PRKG1: variants seen among roughly 807,000 people sequenced by gnomAD.
PRKG1 encodes cGMP-dependent protein kinase 1.
PRKG1 carries 35 observed loss-of-function variants against 88.1 expected under a neutral mutation model. The observed-to-expected ratio is 0.40, with a 90% CI of 0.30 to 0.53. PRKG1 has a LOEUF of 0.53. Ranked by LOEUF, PRKG1 falls within the 20% of genes least tolerant of loss-of-function variation. The pLI is 0.59. For missense variants in PRKG1, 540 were observed against 839.8 expected (o/e 0.64, Z 4.41); for synonymous variants, 303 against 292.5 (o/e 1.04, Z -0.37).
intron 3 of PRKG1, among the ~76,000 whole-genome samples, chr10:51,565,068 A>T (rs1837564334): frequency 6.6e-6 from 1 of 152,146 alleles, no homozygotes; most frequent in Non-Finnish European, 1.5e-5. Context: ...AAAAGCTCAG[A>T]GAGTGAATAG....
At chr10:51,740,580 A>T (rs1159796994) in intron 3 of PRKG1, among the ~76,000 whole-genome samples, 3 of 152,154 alleles carry the variant, frequency 2.0e-5, no homozygotes, top group Non-Finnish European at 4.4e-5. Context: ...TTCTGTTGTG[A>T]TATCGTGTAG....
chr10:51,808,339 G>C (rs1330850469), intron 4 of PRKG1, among the ~76,000 whole-genome samples: 1 of 152,050 alleles, frequency 6.6e-6, no homozygotes, highest in Admixed American at 6.6e-5. Context: ...GCTCAGGCCT[G>C]TAATCTCAGC....
chr10:52,186,486 C>T (rs767429904), intron 9 of PRKG1, among the ~76,000 whole-genome samples: 1 of 152,084 alleles, frequency 6.6e-6, no homozygotes, highest in African/African-American at 2.4e-5. Context: ...GATCCAATCA[C>T]CTCCCACCAG....
At chr10:51,823,896 C>A (rs117426503) in intron 4 of PRKG1, among the ~76,000 whole-genome samples, 6,852 of 95,034 alleles carry the variant, frequency 0.072, 274 homozygotes, top group Middle Eastern at 0.18. Flanking sequence ...TTTTTTAAGA[C>A]AAGATCTTGC....
rs142512630 is a variant in PRKG1 at position 51,201,281 on chromosome 10, A to G, written c.478+47951A>G. Among the ~76,000 whole-genome samples, 1,424 of 152,022 alleles carry G rather than the reference A, an allele frequency of 9.4e-3. 15 individuals carry two copies. The highest frequency in any genetic ancestry group is 0.013 in the Non-Finnish European group (881 of 67,958). The stretch of plus-strand genomic sequence containing the variant: ...TTCTAGACCAGCCTGGCCAAACTCC[A>G]TCTCAACTACAAATACATAAGTTAG... On this transcript the variant is annotated intron_variant, in intron 2 of 17. Coordinates refer to ENST00000373980, the MANE Select transcript of PRKG1 (RefSeq NM_006258.4).
In PRKG1 at chr10:51,031,250, G is replaced by A. The variant is rs577521959; in HGVS notation, c.266+39606G>A. On this transcript the variant is annotated intron_variant, in intron 1 of 17. Transcript: ENST00000401604. ...AAGGTTATTAACATTAATCTCCTAG[G>A]CCCTTCATATATAGAGGCATATTTA... Among the ~76,000 whole-genome samples, 12 of 152,186 alleles carry A rather than the reference G, an allele frequency of 7.9e-5. No individual in the cohort carries two copies. The East Asian group carries it at 2.3e-3, about 29-fold the overall frequency.
intron 1 of PRKG1, among the ~76,000 whole-genome samples, chr10:51,122,941 A>C (rs576499866): frequency 6.6e-6 from 1 of 152,278 alleles, no homozygotes; most frequent in African/African-American, 2.4e-5. Flanking sequence ...TTTTATTGAG[A>C]TATCTAATCA....
chr10:51,810,143 G>A (rs556731139), intron 4 of PRKG1, among the ~76,000 whole-genome samples: 3 of 152,176 alleles, frequency 2.0e-5, no homozygotes, highest in Non-Finnish European at 2.9e-5. Context: ...TTGAATGGGG[G>A]CAATAATAGT....
At chr10:51,617,695 C>T (rs1839096922) in intron 3 of PRKG1, among the ~76,000 whole-genome samples, 1 of 152,158 alleles carries the variant, frequency 6.6e-6, no homozygotes, top group Non-Finnish European at 1.5e-5. Context: ...ATCTGTGTGC[C>T]ACTACATTCT....
At chr10:51,272,903 A>C (rs1254202529) in intron 2 of PRKG1, among the ~76,000 whole-genome samples, 1 of 152,166 alleles carries the variant, frequency 6.6e-6, no homozygotes, top group East Asian at 1.9e-4. Flanking sequence ...ATAATATAAT[A>C]ATACTGTCAT....
chr10:51,568,324 G>A (rs1374971882), intron 3 of PRKG1: 1 of 152,104 alleles, frequency 6.6e-6, no homozygotes, highest in African/African-American at 2.4e-5. Flanking sequence ...TACACTCACT[G>A]TCTCCTCTGA....
chr10:52,266,624 TG>T (rs1373008610), intron 10 of PRKG1, among the ~76,000 whole-genome samples: 1 of 152,156 alleles, frequency 6.6e-6, no homozygotes, highest in East Asian at 1.9e-4. Flanking sequence ...TTGTTAGCAC[TG>T]AGGTGGGTTG....
At chr10:51,628,027 TTTCTTTCTTTCC>T (rs2132274264) in intron 3 of PRKG1, among the ~76,000 whole-genome samples, 2 of 120,322 alleles carry the variant, frequency 1.7e-5, no homozygotes, top group Non-Finnish European at 3.7e-5. Flanking sequence ...TCTTTCTTTC[TTTCTTTCTTTCC>T]TTCCTTCTTT....
chr10:52,147,983 A>G (rs1382434956), intron 8 of PRKG1, among the ~76,000 whole-genome samples: 6 of 152,188 alleles, frequency 3.9e-5, no homozygotes. Context: ...GGATACGGAT[A>G]TAGATTTGAA....
At chr10:51,412,180 T>TGA (rs746950388) in intron 2 of PRKG1, among the ~76,000 whole-genome samples, 3,640 of 125,294 alleles carry the variant, frequency 0.029, 116 homozygotes, top group African/African-American at 0.078. Flanking sequence ...GGAGAGAGAG[T>TGA]GAGAGAGAGA....
chr10:51,689,931 G>T (rs963823076), intron 3 of PRKG1, among the ~76,000 whole-genome samples: 3 of 152,186 alleles, frequency 2.0e-5, no homozygotes, highest in Non-Finnish European at 2.9e-5. Flanking sequence ...GCTTGTATTA[G>T]TTCATTCTTG....
chr10:52,119,793 G>A (rs1443067286), intron 7 of PRKG1, among the ~76,000 whole-genome samples: 2 of 152,180 alleles, frequency 1.3e-5, no homozygotes, highest in Admixed American at 6.6e-5. Flanking sequence ...TTTACAGTTG[G>A]AAGTTGAAAA....
chr10:52,034,407 T>G (rs1216581360), intron 5 of PRKG1, among the ~76,000 whole-genome samples: 1 of 143,678 alleles, frequency 7.0e-6, no homozygotes, highest in African/African-American at 2.6e-5. Context: ...GGGGTGATAT[T>G]GTGGGGATGT....
rs1219867916 is a variant in PRKG1 at position 51,970,791 on chromosome 10, T to TTA, written c.762+63233_762+63234dup. 2.0e-3 allele frequency among the ~76,000 whole-genome samples: 293 copies of TTA among 144,950 alleles called. 2 individuals are homozygous for TTA. The highest frequency in any genetic ancestry group is 6.7e-3 in the African/African-American group (264 of 39,598). On this transcript the variant is annotated intron_variant, in intron 5 of 17. Transcript: ENST00000373980. ...ATATATATATATCAGATATATCAGA[T>TTA]TATATATATATATCAGATGATGTGT... is the stretch of plus-strand genomic sequence containing the variant.
Sources: allele counts gnomAD v4.1 joint callset (sites outside exome capture counted in the v4.1 genomes callset), GRCh38; gene constraint gnomAD v4.1.1; transcripts MANE v1.5; gene names NCBI Gene and HGNC (gene_info 2026-07-23, HGNC 2026-07-21).